Variants in CCDC137 observed in about 807,000 individuals in gnomAD.
The protein encoded by CCDC137 is coiled-coil domain-containing protein 137.
CCDC137 carries 24 observed loss-of-function variants against 30.4 expected under a neutral mutation model. The ratio of observed to expected loss-of-function variants is 0.79; its 90% CI spans 0.57 to 1.11. CCDC137 has a LOEUF of 1.11. CCDC137 is among the 50% of genes least tolerant of loss of function. CCDC137 has a pLI of 0.00. For missense variants in CCDC137, 417 were observed against 380.4 expected (o/e 1.10, Z -0.80); for synonymous variants, 182 against 155.7 (o/e 1.17, Z -1.26).
Position 81,672,560 on chromosome 17 carries a change from C to A in CCDC137, c.726C>A (p.Thr242=). Residue 242 remains threonine, a synonymous_variant, in exon 6 of 6, where the codon ACC becomes ACA. Transcript: ENST00000329214. ...LSPGGVSQPL[T]ASLARQRIVE... Reference sequence around the variant, plus strand: ...CCGGTGGTGTGTCCCAGCCTCTGACCGCCTCCCTGGCCCGCCAGCGGATTG... The same window carrying A: ...CCGGTGGTGTGTCCCAGCCTCTGACAGCCTCCCTGGCCCGCCAGCGGATTG... 1 of 1,573,624 alleles carries A rather than the reference C, an allele frequency of 6.4e-7. No individual in the cohort carries two copies. The highest frequency in any genetic ancestry group is 8.6e-7 in the Non-Finnish European group (1 of 1,159,626).
chr17:81,672,685 A>C lies in CCDC137; in HGVS notation c.851A>C (p.Lys284Thr). 1 of 1,594,766 alleles carries C rather than the reference A, an allele frequency of 6.3e-7. No individual in the cohort carries two copies. The highest frequency in any genetic ancestry group is 8.5e-7 in the Non-Finnish European group (1 of 1,171,690). The change falls in exon 6 of 6, where the codon AAG becomes ACG. Residue 284 changes from lysine to threonine, a missense_variant. Transcript: ENST00000329214. ...GERPHLTSRK[K>T]PEPQL ...CGACCCCACCTCACTTCCCGGAAGA[A>C]GCCAGAGCCGCAGCTGTGATGGAGA...
At position 81,670,465 on chromosome 17, in the gene CCDC137, C is replaced by T. The variant is rs758703145; in HGVS notation, c.497+12C>T. Reference sequence around the variant, plus strand: ...AAAGCAAAAAAAGCGTGAGTGGAGGCGGGAGGGGGAGGGGTCTGCCCTGGG... The same window carrying T: ...AAAGCAAAAAAAGCGTGAGTGGAGGTGGGAGGGGGAGGGGTCTGCCCTGGG... On this transcript the variant is annotated intron_variant, in intron 3 of 5. Coordinates refer to ENST00000329214, the MANE Select transcript of CCDC137 (RefSeq NM_199287.3). 80 of 1,604,270 alleles carry T rather than the reference C, an allele frequency of 5.0e-5. No homozygotes were observed. Among genetic ancestry groups the T allele is most frequent in the Admixed American group, 3.2e-4 (19 of 59,364 alleles).
intron 2 of CCDC137, among the ~76,000 whole-genome samples, chr17:81,668,404 C>G (rs1224520573): frequency 6.6e-6 from 1 of 152,112 alleles, no homozygotes; most frequent in African/African-American, 2.4e-5. Flanking sequence ...GGTAGGGTGT[C>G]CACATGTCCA....
At chr17:81,671,492 T>A (rs958786393) in intron 3 of CCDC137, 7 of 518,658 alleles carry the variant, frequency 1.3e-5, no homozygotes, top group African/African-American at 1.9e-5. Flanking sequence ...TTGTCAGATG[T>A]TCCCTGGCAG....
In CCDC137 at chr17:81,670,379, G is replaced by GA. The variant is rs1432847640; in HGVS notation, c.425dup (p.Asn142LysfsTer18). On this transcript the variant is annotated frameshift_variant, in exon 3 of 6. Coordinates refer to ENST00000329214, the MANE Select transcript of CCDC137 (RefSeq NM_199287.3). LOFTEE classifies it high-confidence loss of function. Reference sequence around the variant, plus strand: ...CCCAGCATGTGCTGTTCCTCAGCAAGAACCAGGCCATCCGGCAGCCAGAGG... The same window carrying GA: ...CCCAGCATGTGCTGTTCCTCAGCAAGAAACCAGGCCATCCGGCAGCCAGAGG... 1 of 1,613,982 alleles carries GA rather than the reference G, an allele frequency of 6.2e-7. No homozygotes were observed. Among genetic ancestry groups the GA allele is most frequent in the East Asian group, 2.2e-5 (1 of 44,886 alleles).
At chr17:81,668,835 G>A (rs563647548) in intron 2 of CCDC137, among the ~76,000 whole-genome samples, 2 of 151,768 alleles carry the variant, frequency 1.3e-5, no homozygotes, top group Admixed American at 6.6e-5. Context: ...TGAGTAGCTG[G>A]GATTACAGGT....
In CCDC137 at chr17:81,670,367, G is replaced by A. The variant is rs773596826; in HGVS notation, c.411G>A (p.Leu137=). Reference sequence around the variant, plus strand: ...TGCAGCAAGAGGCCCAGCATGTGCTGTTCCTCAGCAAGAACCAGGCCATCC... The same window carrying A: ...TGCAGCAAGAGGCCCAGCATGTGCTATTCCTCAGCAAGAACCAGGCCATCC... ...HRMQQEAQHV[L]FLSKNQAIRQ... Residue 137 remains leucine, a synonymous_variant, in exon 3 of 6, where the codon CTG becomes CTA. Coordinates refer to ENST00000329214, the MANE Select transcript of CCDC137 (RefSeq NM_199287.3). 3.7e-6 allele frequency: 6 copies of A among 1,613,828 alleles called. No homozygotes were observed. Among genetic ancestry groups the A allele is most frequent in the Non-Finnish European group, 5.1e-6 (6 of 1,179,996 alleles).
chr17:81,670,425 A>T lies in CCDC137; in HGVS notation c.469A>T (p.Lys157Ter). 6.2e-7 allele frequency: 1 copy of T among 1,613,534 alleles called. No homozygotes were observed. The highest frequency in any genetic ancestry group is 8.5e-7 in the Non-Finnish European group (1 of 1,179,976). The change falls in exon 3 of 6, where the codon AAG becomes TAG. Residue 157 changes from lysine (K) to a stop codon, truncating the protein, a stop_gained. Coordinates refer to ENST00000329214, the MANE Select transcript of CCDC137 (RefSeq NM_199287.3). LOFTEE classifies it high-confidence loss of function. Reference sequence around the variant, plus strand: ...AGAGGTGCAGGCAGCTCCCAAGGAGAAGTCTGAGCAGAAAAAAGCAAAAAA... The same window carrying T: ...AGAGGTGCAGGCAGCTCCCAAGGAGTAGTCTGAGCAGAAAAAAGCAAAAAA... ...QPEVQAAPKE[K>*]SEQKKAKKAF...
chr17:81,670,194 T>A, intron 2 of CCDC137, 31 bp from the exon 3 acceptor site: 1 of 1,565,026 alleles, frequency 6.4e-7, no homozygotes, highest in East Asian at 2.3e-5. Context: ...GTCTGCCTCC[T>A]GCCTCCTCTG....
At chr17:81,672,443 T>C in intron 5 of CCDC137, 52 bp from the exon 6 acceptor site, 1 of 1,506,698 alleles carries the variant, frequency 6.6e-7, no homozygotes, top group Non-Finnish European at 8.9e-7. Flanking sequence ...AGGCTTTCTG[T>C]TGCATCCCCT....
chr17:81,671,568 T>G (rs2036719880), intron 3 of CCDC137, 176 bp from the exon 4 acceptor site: 3 of 600,074 alleles, frequency 5.0e-6, no homozygotes, highest in East Asian at 2.9e-5. Context: ...AGAGCCTTCT[T>G]TGGTGGGCAG....
chr17:81,671,047 G>T (rs1018338593), intron 3 of CCDC137, among the ~76,000 whole-genome samples: 1 of 151,716 alleles, frequency 6.6e-6, no homozygotes, highest in African/African-American at 2.4e-5. Context: ...CAGTGGAATC[G>T]CTTGAATCCG....
At chr17:81,670,520 A>AC (rs2036707571) in intron 3 of CCDC137, 67 bp downstream of exon 3, 2 of 1,381,920 alleles carry the variant, frequency 1.4e-6, no homozygotes, top group Admixed American at 3.9e-5. Flanking sequence ...GGTTCCCATG[A>AC]CGGCCCTCTG....
intron 3 of CCDC137, 85 bp downstream of exon 3, chr17:81,670,538 C>T (rs1039813008): frequency 1.7e-6 from 2 of 1,189,966 alleles, no homozygotes; most frequent in Non-Finnish European, 2.4e-6. Context: ...CTGCAGGTAC[C>T]CTGTTTCATA....
chr17:81,672,275 C>T, intron 5 of CCDC137, 120 bp downstream of exon 5: 2 of 1,086,838 alleles, frequency 1.8e-6, no homozygotes, highest in South Asian at 2.7e-5. Context: ...GAGGCCAAGG[C>T]AGGCGGATTG....
In CCDC137 at chr17:81,670,326, G is replaced by T. The variant is rs373680813; in HGVS notation, c.370G>T (p.Ala124Ser). 1 of 1,613,898 alleles carries T rather than the reference G, an allele frequency of 6.2e-7. No homozygotes were observed. Among genetic ancestry groups the T allele is most frequent in the African/African-American group, 1.3e-5 (1 of 74,932 alleles). Residue 124 changes from alanine (A) to serine (S), a missense_variant, in exon 3 of 6, where the codon GCC becomes TCC. Ala to Ser is a moderately conservative substitution (Grantham distance 99). Transcript: ENST00000329214. ...FKQRKGESDGAYIHRMQQEAQ... is the reference protein window; with the variant it reads ...FKQRKGESDGSYIHRMQQEAQ... ...ACAGAGGAAGGGGGAGTCTGACGGG[G>T]CCTATATCCACCGCATGCAGCAAGA...
At chr17:81,671,211 T>C (rs1008749735) in intron 3 of CCDC137, among the ~76,000 whole-genome samples, 4 of 152,110 alleles carry the variant, frequency 2.6e-5, no homozygotes, top group Non-Finnish European at 5.9e-5. Context: ...TCTGGATTGT[T>C]GTATTACTTA....
rs992689795 is a variant in CCDC137, at chr17:81,667,945, A to G, written c.268+83A>G. 6 of 1,494,802 alleles carry G rather than the reference A, an allele frequency of 4.0e-6. No individual in the cohort carries two copies. The African/African-American group carries it at 8.4e-5, about 21-fold the overall frequency. 92.6% of individuals were successfully genotyped at this position (1,494,802 alleles called of 1,614,324 possible). On this transcript the variant is annotated intron_variant, in intron 2 of 5. Coordinates refer to ENST00000329214, the MANE Select transcript of CCDC137 (RefSeq NM_199287.3). ...TCGCCCAAATACTTCAGAACGTTTCAGGCAGAGGAAATATGCCAAGACCCG... is the reference window on the plus strand; with the variant it reads ...TCGCCCAAATACTTCAGAACGTTTCGGGCAGAGGAAATATGCCAAGACCCG...
chr17:81,668,889 T>G (rs1444499535), intron 2 of CCDC137, among the ~76,000 whole-genome samples: 5 of 150,728 alleles, frequency 3.3e-5, no homozygotes, highest in Non-Finnish European at 4.4e-5. Flanking sequence ...GTGGTTTTTT[T>G]TTTTTTTTTT....
Sources: gnomAD v4.1 joint callset for allele counts (sites outside exome capture counted in the v4.1 genomes callset) on GRCh38, gnomAD v4.1.1 for gene constraint, MANE v1.5 for transcripts, NCBI Gene and HGNC (gene_info 2026-07-23, HGNC 2026-07-21) for gene names.